SAMD5: variants seen among roughly 807,000 people sequenced by gnomAD.
SAMD5 encodes the protein sterile alpha motif domain containing 5, also known as sterile alpha motif domain-containing protein 5.
In SAMD5, 13 loss-of-function variants were observed where a neutral mutation model predicts 11.3. The ratio of observed to expected loss-of-function variants is 1.15; its 90% confidence interval spans 0.75 to 1.83. SAMD5 has a LOEUF of 1.83. SAMD5 is among the 40% of genes most tolerant of loss of function. The pLI is 0.00. For synonymous variants in SAMD5, 129 were observed against 111.3 expected, an observed-to-expected ratio of 1.16 and a Z score of -1.00; for missense variants, 255 against 239.1, an observed-to-expected ratio of 1.07 and a Z score of -0.44.
the SAMD5 span, among the ~76,000 whole-genome samples, chr6:147,898,907 G>A: frequency 9.9e-4 from 151 of 152,146 alleles, no homozygotes; most frequent in African/African-American, 3.5e-3. Flanking sequence ...TTGGCCGGGC[G>A]TGGTGGCTCA....
At chr6:147,810,756 G>A in the SAMD5 span, among the ~76,000 whole-genome samples, 1 of 152,146 alleles carries the variant, frequency 6.6e-6, no homozygotes, top group South Asian at 2.1e-4. Context: ...AATTATAATG[G>A]TACAAAGAAT....
intron 1 of SAMD5, among the ~76,000 whole-genome samples, chr6:147,559,922 G>A (rs1205161978): frequency 2.6e-5 from 4 of 152,164 alleles, no homozygotes; most frequent in South Asian, 2.1e-4. Context: ...TGTAGAAGCC[G>A]AAGAGGAGAT....
intron 1 of SAMD5, among the ~76,000 whole-genome samples, chr6:147,714,404 C>T (rs775097118): frequency 1.5e-4 from 23 of 152,136 alleles, no homozygotes; most frequent in Non-Finnish European, 3.2e-4. Context: ...TGGAGAAGCA[C>T]GTCCTGCTTC....
downstream of SAMD5, among the ~76,000 whole-genome samples, chr6:147,738,899 T>C (rs1044613537): frequency 2.6e-5 from 4 of 152,202 alleles, no homozygotes; most frequent in African/African-American, 9.7e-5. Flanking sequence ...CTTGACATAT[T>C]ATGAAAAGCA....
At chr6:147,709,131 C>T (rs1440910912) in intron 1 of SAMD5, among the ~76,000 whole-genome samples, 1 of 152,144 alleles carries the variant, frequency 6.6e-6, no homozygotes, top group Non-Finnish European at 1.5e-5. Flanking sequence ...TATTTGCAAG[C>T]TATTCTTCAA....
chr6:147,772,130 G>A, the SAMD5 span, among the ~76,000 whole-genome samples: 1 of 152,030 alleles, frequency 6.6e-6, no homozygotes, highest in Non-Finnish European at 1.5e-5. Context: ...TCAGGATGTG[G>A]GATTGCTACT....
Position 147,652,534 on chromosome 6 carries a change from T to C in SAMD5, c.163-84783T>C, listed in dbSNP as rs541282054. Among the ~76,000 whole-genome samples, 3 of 152,222 alleles carry C rather than the reference T, an allele frequency of 2.0e-5. No homozygotes were observed. In the East Asian group the frequency reaches 5.8e-4, roughly 29 times the overall value. On this transcript the variant is annotated intron_variant, in intron 1 of 1. Coordinates refer to the SAMD5 transcript ENST00000566741. ...CCCTGGTTCAGTAGCAATGGTGGTC[T>C]AGACATGTGAGACACCATGGTTCAG...
chr6:147,654,702 A>AT (rs918306958), intron 1 of SAMD5, among the ~76,000 whole-genome samples: 17 of 149,710 alleles, frequency 1.1e-4, no homozygotes. Flanking sequence ...TACAGGGTTT[A>AT]TTTTTTTTCT....
intron 1 of SAMD5, among the ~76,000 whole-genome samples, chr6:147,643,782 A>T (rs946039382): frequency 2.2e-5 from 3 of 138,846 alleles, no homozygotes; most frequent in African/African-American, 8.0e-5. Context: ...GGAAGGAAGG[A>T]AGGAAGGAAG....
chr6:147,678,124 C>T (rs750017435), intron 1 of SAMD5, among the ~76,000 whole-genome samples: 11 of 152,130 alleles, frequency 7.2e-5, no homozygotes, highest in South Asian at 4.1e-4. Flanking sequence ...TTATTTTATA[C>T]GCCTGACTTA....
rs1789042306 is a variant in SAMD5, at chr6:147,566,423, GT to G, written c.*1968del. 4 of 984,808 alleles carry G rather than the reference GT, an allele frequency of 4.1e-6. No homozygotes were observed. The highest frequency in any genetic ancestry group is 6.2e-5 in the Admixed American group (1 of 16,248). 61.0% of individuals were successfully genotyped at this position (984,808 alleles called of 1,614,324 possible). ...GCTTCCTGTTTGACCTCATTTCCAG[GT>G]GTCGCATCCGTGGCTGATTTATTTC... On this transcript the variant is annotated 3_prime_UTR_variant, in exon 2 of 2. Transcript: ENST00000367474.
At chr6:147,685,938 T>A (rs1490360933) in intron 1 of SAMD5, among the ~76,000 whole-genome samples, 1 of 152,204 alleles carries the variant, frequency 6.6e-6, no homozygotes, top group East Asian at 1.9e-4. Flanking sequence ...GATTTGTAGG[T>A]GGAAAAGATA....
intron 1 of SAMD5, among the ~76,000 whole-genome samples, chr6:147,521,161 C>T (rs73578596): frequency 0.015 from 2,344 of 152,036 alleles, 57 homozygotes; most frequent in African/African-American, 0.054. Flanking sequence ...GAAAATGTCA[C>T]GTTTGAGAAG....
chr6:147,560,036 C>G (rs1429149881), intron 1 of SAMD5, among the ~76,000 whole-genome samples: 1 of 152,108 alleles, frequency 6.6e-6, no homozygotes. Context: ...ACTTTCTAGA[C>G]TAAACTTTTC....
At chr6:147,770,476 G>A in the SAMD5 span, among the ~76,000 whole-genome samples, 12 of 152,262 alleles carry the variant, frequency 7.9e-5, no homozygotes, top group African/African-American at 2.4e-4. Flanking sequence ...TTCATTGACT[G>A]ACTGAGTTAA....
intron 1 of SAMD5, among the ~76,000 whole-genome samples, chr6:147,671,479 T>C (rs1445697302): frequency 6.6e-6 from 1 of 152,134 alleles, no homozygotes; most frequent in Non-Finnish European, 1.5e-5. Flanking sequence ...TAGGACAGAG[T>C]TTCAGAAGTA....
the SAMD5 span, among the ~76,000 whole-genome samples, chr6:147,859,748 T>C: frequency 3.9e-5 from 6 of 152,022 alleles, no homozygotes; most frequent in African/African-American, 7.2e-5. Context: ...GTTTTTTGGG[T>C]TTTTTGTTTG....
chr6:147,542,805 A>G (rs971838131), intron 1 of SAMD5, among the ~76,000 whole-genome samples: 1 of 152,162 alleles, frequency 6.6e-6, no homozygotes. Context: ...CATTAGTCCT[A>G]CAGAAGCAAT....
chr6:147,777,327 G>T, the SAMD5 span, among the ~76,000 whole-genome samples: 7 of 152,138 alleles, frequency 4.6e-5, no homozygotes, highest in South Asian at 6.2e-4. Flanking sequence ...ATAATATAAG[G>T]GTTCCTGATC....
Sources: allele counts gnomAD v4.1 joint callset (sites outside exome capture counted in the v4.1 genomes callset), GRCh38; gene constraint gnomAD v4.1.1; transcripts MANE v1.5; gene names NCBI Gene and HGNC (gene_info 2026-07-23, HGNC 2026-07-21).